Variants in SPON1 observed in about 807,000 individuals in gnomAD.
SPON1 encodes spondin-1.
In SPON1, 52 loss-of-function variants were observed where a neutral mutation model predicts 111.7. That is an observed-to-expected ratio of 0.47 (90% confidence interval 0.37 to 0.59). The LOEUF (loss-of-function observed/expected upper bound fraction) is 0.59, where lower values mean the gene tolerates loss of function less well. Among genes scored for constraint, SPON1 ranks in the 20% least tolerant of loss-of-function variants. The probability of loss-of-function intolerance (pLI) is 0.00; values close to 1 mark genes in which losing one functional copy is unlikely to be tolerated. For missense variants in SPON1, 957 were observed against 1,068.5 expected (o/e 0.90, Z 1.46); for synonymous variants, 410 against 395.8 (o/e 1.04, Z -0.43).
intron 2 of SPON1, among the ~76,000 whole-genome samples, chr11:14,018,669 G>A (rs764692439): frequency 2.0e-5 from 3 of 152,168 alleles, no homozygotes; most frequent in Admixed American, 1.3e-4. Flanking sequence ...TGTGGAGGTT[G>A]AGAAGTCAGA....
At chr11:14,061,625 G>A (rs2133823323) in intron 3 of SPON1, among the ~76,000 whole-genome samples, 1 of 152,322 alleles carries the variant, frequency 6.6e-6, no homozygotes, top group South Asian at 2.1e-4. Flanking sequence ...AATGGTATCA[G>A]ACTATTTAAT....
intron 2 of SPON1, among the ~76,000 whole-genome samples, chr11:14,003,679 T>C (rs1311496543): frequency 1.3e-5 from 2 of 152,086 alleles, no homozygotes; most frequent in Admixed American, 1.3e-4. Context: ...ATATTTGAGG[T>C]TTACAACATA....
chr11:14,255,976 G>A (rs1209643833), intron 9 of SPON1, among the ~76,000 whole-genome samples, 189 bp downstream of exon 9: 8 of 152,234 alleles, frequency 5.3e-5, no homozygotes, highest in African/African-American at 1.7e-4. Context: ...GCCAGGCACT[G>A]TAGCCCATGC....
At chr11:14,132,954 A>C (rs1318835640) in intron 5 of SPON1, among the ~76,000 whole-genome samples, 1 of 152,206 alleles carries the variant, frequency 6.6e-6, no homozygotes, top group African/African-American at 2.4e-5. Flanking sequence ...ATCATCCCTG[A>C]ATTACAAACG....
intron 6 of SPON1, among the ~76,000 whole-genome samples, chr11:14,223,738 GT>G (rs1223349857): frequency 6.6e-6 from 1 of 152,182 alleles, no homozygotes; most frequent in Non-Finnish European, 1.5e-5. Context: ...CCTGGACATA[GT>G]TTTCTCCCTC....
chr11:14,222,989 C>T (rs1365582140), intron 6 of SPON1, among the ~76,000 whole-genome samples: 1 of 152,204 alleles, frequency 6.6e-6, no homozygotes, highest in Non-Finnish European at 1.5e-5. Context: ...ACAGAGGGGT[C>T]TCTCTCAGAT....
chr11:14,253,959 CAAAG>C (rs767657190), intron 7 of SPON1, among the ~76,000 whole-genome samples: 1 of 152,196 alleles, frequency 6.6e-6, no homozygotes, highest in African/African-American at 2.4e-5. Context: ...CTGTGTGACA[CAAAG>C]AGAGAGGTTG....
At chr11:14,017,354 T>G (rs1222628854) in intron 2 of SPON1, among the ~76,000 whole-genome samples, 3 of 152,248 alleles carry the variant, frequency 2.0e-5, no homozygotes, top group Non-Finnish European at 4.4e-5. Context: ...ATGTTTTGTT[T>G]TAATTACATC....
intron 2 of SPON1, among the ~76,000 whole-genome samples, chr11:14,001,569 A>C (rs1182162550): frequency 6.6e-6 from 1 of 152,202 alleles, no homozygotes; most frequent in Non-Finnish European, 1.5e-5. Flanking sequence ...ACCACACACA[A>C]AGATTCTGCC....
At chr11:14,119,145 G>T (rs78273518) in intron 5 of SPON1, among the ~76,000 whole-genome samples, 6,106 of 152,144 alleles carry the variant, frequency 0.04, 190 homozygotes, top group South Asian at 0.094. Flanking sequence ...ATTATTTTAT[G>T]GATCTCTGGG....
chr11:13,978,075 T>C (rs1554909195), intron 1 of SPON1, among the ~76,000 whole-genome samples: 1 of 152,182 alleles, frequency 6.6e-6, no homozygotes. Context: ...TGTATATTTG[T>C]GGAACTTTCC....
At chr11:14,077,428 A>T (rs1848926369) in intron 4 of SPON1, among the ~76,000 whole-genome samples, 1 of 149,276 alleles carries the variant, frequency 6.7e-6, no homozygotes, top group Non-Finnish European at 1.5e-5. Flanking sequence ...CACATACTTT[A>T]TTTTTTTTTT....
intron 2 of SPON1, among the ~76,000 whole-genome samples, chr11:14,017,731 G>A (rs748059164): frequency 5.9e-5 from 9 of 152,150 alleles, no homozygotes; most frequent in African/African-American, 1.2e-4. Flanking sequence ...AAAATTGGAC[G>A]CTTGAATAGA....
chr11:14,113,856 A>G (rs556044312), intron 5 of SPON1, among the ~76,000 whole-genome samples: 2,980 of 151,310 alleles, frequency 0.02, 95 homozygotes, highest in African/African-American at 0.068. Flanking sequence ...CGCCCGCCTC[A>G]GCCTCCCAAA....
rs117458494 is a variant in SPON1, at chr11:14,260,539, G to A, written c.1832-49G>A. The A allele has an allele frequency of 1.3e-3, 2,072 of 1,580,768 alleles. 5 individuals are homozygous for A. Among genetic ancestry groups the A allele is most frequent in the Non-Finnish European group, 1.6e-3 (1,914 of 1,160,032 alleles). ...ACACTGTGGGGTCAGGGAGATCAAC[G>A]AAAACAAAAGGAACCTGTTCTCAGT... On this transcript the variant is annotated intron_variant, in intron 13 of 15. Coordinates refer to ENST00000576479, the MANE Select transcript of SPON1 (RefSeq NM_006108.4).
chr11:14,071,000 C>T (rs1430736955), intron 3 of SPON1, among the ~76,000 whole-genome samples: 1 of 152,076 alleles, frequency 6.6e-6, no homozygotes. Flanking sequence ...AACATGCTCT[C>T]TTATGATAAG....
Position 14,229,928 on chromosome 11 carries a change from GTC to G in SPON1, c.826-13402_826-13401del, listed in dbSNP as rs1174377473. On this transcript the variant is annotated intron_variant, in intron 6 of 15. Coordinates refer to ENST00000576479, the MANE Select transcript of SPON1 (RefSeq NM_006108.4). The stretch of plus-strand genomic sequence containing the variant: ...AAGAGAGGCCAGCCTGTGTGTGTGT[GTC>G]TGTCTGTCTGTCTGTGTGTCCGTGT... Among the ~76,000 whole-genome samples the G allele has an allele frequency of 1.6e-3, 239 of 145,490 alleles. 4 individuals carry two copies. In the South Asian group the frequency reaches 0.03, roughly 18 times the overall value.
At chr11:14,149,438 A>C (rs1847762548) in intron 6 of SPON1, among the ~76,000 whole-genome samples, 2 of 152,226 alleles carry the variant, frequency 1.3e-5, no homozygotes, top group African/African-American at 4.8e-5. Context: ...AAAGGTAAAA[A>C]AAAGTGTATA....
At chr11:14,072,389 A>T (rs1848883825) in intron 3 of SPON1, among the ~76,000 whole-genome samples, 6 of 152,044 alleles carry the variant, frequency 3.9e-5, no homozygotes, top group Admixed American at 3.9e-4. Context: ...GAGGGCAATT[A>T]CTTTTCTATG....
Sources: gnomAD v4.1 joint callset for allele counts (sites outside exome capture counted in the v4.1 genomes callset) on GRCh38, gnomAD v4.1.1 for gene constraint, MANE v1.5 for transcripts, NCBI Gene and HGNC (gene_info 2026-07-23, HGNC 2026-07-21) for gene names.